The following PALM2AKAP2 variants were observed in gnomAD, a reference collection of about 807,000 sequenced individuals.
The protein encoded by PALM2AKAP2 is PALM2 and AKAP2 fusion, also known as PALM2-AKAP2 fusion protein.
Under a neutral mutation model 71.5 loss-of-function variants are expected in PALM2AKAP2, and 37 were observed. That is an observed-to-expected ratio of 0.52 (90% CI 0.40 to 0.68). The LOEUF is 0.68. Among genes scored for constraint, PALM2AKAP2 ranks in the 30% least tolerant of loss-of-function variants. The pLI, the probability that PALM2AKAP2 is intolerant of heterozygous loss-of-function variation, is 0.00. For missense variants in PALM2AKAP2, 1,224 were observed against 1,191.8 expected, an observed-to-expected ratio of 1.03 and a Z score of -0.40; for synonymous variants, 468 against 478.8, an observed-to-expected ratio of 0.98 and a Z score of 0.29.
intron 6 of PALM2AKAP2, among the ~76,000 whole-genome samples, chr9:109,954,662 A>T (rs868081570): frequency 4.4e-5 from 4 of 90,948 alleles, no homozygotes; most frequent in South Asian, 3.2e-4. Flanking sequence ...GTATAATAAA[A>T]AAAAAAAAAA....
intron 1 of PALM2AKAP2, among the ~76,000 whole-genome samples, chr9:110,134,059 G>T (rs1245081426): frequency 6.6e-6 from 1 of 152,208 alleles, no homozygotes; most frequent in Non-Finnish European, 1.5e-5. Flanking sequence ...GGCCAAGGCT[G>T]GACTGCTTGA....
At chr9:109,668,268 C>A (rs1827520425) in intron 1 of PALM2AKAP2, among the ~76,000 whole-genome samples, 1 of 152,208 alleles carries the variant, frequency 6.6e-6, no homozygotes, top group Non-Finnish European at 1.5e-5. Flanking sequence ...AGCTACATAT[C>A]CCTCTGCCAA....
Position 110,138,573 on chromosome 9 carries a change from C to T in PALM2AKAP2, c.2569+34C>T, listed in dbSNP as rs531486809. ...GGTGCCTCACATGAGAGACAGATGC[C>T]ACAGCAGTCTGTTGTTGTTGATTCC... On this transcript the variant is annotated intron_variant, in intron 2 of 3. Transcript: ENST00000374525. 4.6e-5 allele frequency: 71 copies of T among 1,535,688 alleles called. 2 individuals are homozygous for T. The South Asian group carries it at 9.1e-4, about 20-fold the overall frequency.
chr9:109,831,178 CACACAA>C (rs1249096376), intron 1 of PALM2AKAP2, among the ~76,000 whole-genome samples: 32 of 103,982 alleles, frequency 3.1e-4, no homozygotes, highest in East Asian at 2.8e-3. Flanking sequence ...CACACACACA[CACACAA>C]GCATAAATAG....
chr9:109,937,315 A>T (rs1442695468), intron 6 of PALM2AKAP2, among the ~76,000 whole-genome samples: 2 of 152,162 alleles, frequency 1.3e-5, no homozygotes, highest in Non-Finnish European at 2.9e-5. Context: ...CAGAACCTAG[A>T]GACTGGAATT....
chr9:110,122,185 G>A (rs7028774), intron 1 of PALM2AKAP2, among the ~76,000 whole-genome samples: 2,681 of 152,078 alleles, frequency 0.018, 94 homozygotes, highest in African/African-American at 0.061. Flanking sequence ...GCATGCCACC[G>A]AACCTGGCTA....
rs933990939 is a variant in PALM2AKAP2 at position 110,097,142 on chromosome 9, G to T, written c.157-38985G>T. On this transcript the variant is annotated intron_variant, in intron 1 of 3. Coordinates refer to ENST00000374525, the Ensembl canonical transcript of PALM2AKAP2. Reference sequence around the variant, plus strand: ...GTCCCTGGGTACTTGAGATTAGGGAGTGGTGATGACTCTTAACCAGCATGC... The same window carrying T: ...GTCCCTGGGTACTTGAGATTAGGGATTGGTGATGACTCTTAACCAGCATGC... Among the ~76,000 whole-genome samples the T allele has an allele frequency of 1.3e-4, 19 of 150,630 alleles. 2 individuals are homozygous for T. The highest frequency in any genetic ancestry group is 8.4e-4 in the South Asian group (4 of 4,750).
At chr9:109,707,108 CAG>C (rs1828156856) in intron 1 of PALM2AKAP2, among the ~76,000 whole-genome samples, 1 of 152,240 alleles carries the variant, frequency 6.6e-6, no homozygotes, top group Admixed American at 6.5e-5. Flanking sequence ...GTTTTGAAAA[CAG>C]AGTCACAGTT....
intron 1 of PALM2AKAP2, among the ~76,000 whole-genome samples, chr9:109,673,621 C>A (rs1178514337): frequency 6.6e-6 from 1 of 151,898 alleles, no homozygotes; most frequent in South Asian, 2.1e-4. Context: ...TCCATTTAAT[C>A]GAGTGCTGAG....
intron 1 of PALM2AKAP2, among the ~76,000 whole-genome samples, chr9:109,679,582 A>G (rs1827695797): frequency 6.6e-6 from 1 of 152,138 alleles, no homozygotes; most frequent in Non-Finnish European, 1.5e-5. Flanking sequence ...GATCTAGACT[A>G]ATAATATTGG....
intron 1 of PALM2AKAP2, among the ~76,000 whole-genome samples, chr9:109,675,183 C>T (rs757120436): frequency 6.6e-6 from 1 of 152,004 alleles, no homozygotes; most frequent in Non-Finnish European, 1.5e-5. Context: ...TGGGATGGAA[C>T]TCTGATGTAA....
chr9:110,056,978 C>T (rs991056062), intron 1 of PALM2AKAP2, among the ~76,000 whole-genome samples: 3 of 152,134 alleles, frequency 2.0e-5, no homozygotes, highest in Non-Finnish European at 2.9e-5. Context: ...GTTCCCTTTC[C>T]ACTCACCATT....
chr9:110,028,043 A>G (rs1159450956), intron 7 of PALM2AKAP2, among the ~76,000 whole-genome samples: 2 of 152,198 alleles, frequency 1.3e-5, no homozygotes, highest in East Asian at 3.8e-4. Flanking sequence ...CCTTGAAACT[A>G]TTCAGGGTAG....
chr9:109,747,263 C>T (rs983580396), intron 1 of PALM2AKAP2, among the ~76,000 whole-genome samples: 2 of 152,172 alleles, frequency 1.3e-5, no homozygotes, highest in Admixed American at 6.6e-5. Flanking sequence ...TTATGTCAGG[C>T]TAGCCCCCAG....
chr9:110,115,435 G>A (rs572867416), intron 1 of PALM2AKAP2, among the ~76,000 whole-genome samples: 5 of 152,308 alleles, frequency 3.3e-5, no homozygotes, highest in South Asian at 4.1e-4. Flanking sequence ...AAAAATTAGC[G>A]GCCCTGGCTC....
At chr9:109,657,938 T>TTG (rs35984840) in intron 1 of PALM2AKAP2, among the ~76,000 whole-genome samples, 23,553 of 142,348 alleles carry the variant, frequency 0.17, 1,821 homozygotes, top group Non-Finnish European at 0.18. Context: ...TTGTGTGTGT[T>TTG]TGTGTGTGTG....
chr9:109,719,927 G>A (rs933729865), intron 1 of PALM2AKAP2, among the ~76,000 whole-genome samples: 1 of 152,164 alleles, frequency 6.6e-6, no homozygotes, highest in African/African-American at 2.4e-5. Flanking sequence ...GCTCTAGAAT[G>A]GAGAGTGACA....
intron 1 of PALM2AKAP2, among the ~76,000 whole-genome samples, chr9:109,863,402 TAGA>T (rs1275390328): frequency 6.6e-6 from 1 of 152,142 alleles, no homozygotes; most frequent in Non-Finnish European, 1.5e-5. Flanking sequence ...AGATGAAACA[TAGA>T]AGAAGGAACA....
intron 1 of PALM2AKAP2, among the ~76,000 whole-genome samples, chr9:109,820,301 C>T (rs974639490): frequency 6.6e-6 from 1 of 152,204 alleles, no homozygotes; most frequent in Non-Finnish European, 1.5e-5. Flanking sequence ...TCTCGTTGCA[C>T]ATTTACTCTG....
Sources: allele counts gnomAD v4.1 joint callset (sites outside exome capture counted in the v4.1 genomes callset), GRCh38; gene constraint gnomAD v4.1.1; transcripts MANE v1.5; gene names NCBI Gene and HGNC (gene_info 2026-07-23, HGNC 2026-07-21).